Variants in ZNF132 observed in about 807,000 individuals in gnomAD.
ZNF132 encodes zinc finger protein 132, also known as zinc finger protein 132 (clone pHZ-12).
A neutral mutation model predicts 9.3 loss-of-function variants in ZNF132; 6 were observed. The observed-to-expected ratio is 0.65, with a 90% CI of 0.35 to 1.28. The LOEUF is 1.28. Among genes scored for constraint, ZNF132 ranks in the 50% most tolerant of loss-of-function variants. The probability of loss-of-function intolerance (pLI) is 0.03; values close to 1 mark genes in which losing one functional copy is unlikely to be tolerated. For missense variants in ZNF132, 877 were observed against 843.2 expected, an observed-to-expected ratio of 1.04 and a Z score of -0.50; for synonymous variants, 296 against 292.0, an observed-to-expected ratio of 1.01 and a Z score of -0.14.
rs1187739660 is a variant in ZNF132, at chr19:58,435,402, A to G, written c.233-191T>C. 15 of 630,946 alleles carry G rather than the reference A, an allele frequency of 2.4e-5. 1 individual carries two copies. The highest frequency in any genetic ancestry group is 1.1e-5 in the Non-Finnish European group (4 of 372,518). 39.1% of individuals were successfully genotyped at this position (630,946 alleles called of 1,614,324 possible). On this transcript the variant is annotated intron_variant, in intron 2 of 2. Transcript: ENST00000254166. ...GGATAGGGACCAGCCAAGCAACAGA[A>G]TAAGGGAGACCTCACCAGGGGTAAG... is the stretch of plus-strand genomic sequence containing the variant.
rs199920539 is a variant in ZNF132 at position 58,434,410 on chromosome 19, C to G, written c.1034G>C (p.Arg345Thr). The G allele has an allele frequency of 1.9e-5, 30 of 1,614,114 alleles. No homozygotes were observed. Among genetic ancestry groups the G allele is most frequent in the Non-Finnish European group, 2.5e-5 (30 of 1,180,038 alleles). The change falls in exon 3 of 3, where the codon AGA (arginine) becomes ACA (threonine). Residue 345 changes from arginine to threonine, a missense_variant. By Grantham distance (71) the Arg-to-Thr change is moderately conservative. Transcript: ENST00000254166. ...CCCACATTCATCACACTCATAAGGT[C>G]TTTCTCCTGAGTGAATTCTCTGATG... The part of the protein sequence containing the change: ...VHHQRIHSGE[R>T]PYECDECGKA...
At chr19:58,437,305 C>G (rs1413369231) in intron 1 of ZNF132, 90 bp from the exon 2 acceptor site, 109 of 1,405,554 alleles carry the variant, frequency 7.8e-5, no homozygotes, top group Non-Finnish European at 9.0e-5. Context: ...ACTAATATCT[C>G]TTTTTCTTAT....
chr19:58,435,311 C>T (rs2052767348), intron 2 of ZNF132, 100 bp from the exon 3 acceptor site: 3 of 1,375,734 alleles, frequency 2.2e-6, no homozygotes, highest in Non-Finnish European at 2.9e-6. Flanking sequence ...AAGAAGAGGT[C>T]CCAGGGATTG....
Position 58,438,472 on chromosome 19 carries a change from AT to A in ZNF132, c.64-1258del, listed in dbSNP as rs35691687. Among the ~76,000 whole-genome samples the A allele has an allele frequency of 5.0e-3, 645 of 129,798 alleles. 3 individuals carry two copies. Among genetic ancestry groups the A allele is most frequent in the Middle Eastern group, 7.6e-3 (2 of 264 alleles). 85.2% of individuals were successfully genotyped at this position (129,798 alleles called of 152,430 possible). A position where few individuals can be genotyped will look rare whatever the true frequency, so the allele number is the denominator to read the frequency against. On this transcript the variant is annotated intron_variant, in intron 1 of 2. Coordinates refer to ENST00000254166, the MANE Select transcript of ZNF132 (RefSeq NM_003433.4). ...TCCACATCTGAAAGATCTAAGGTCA[AT>A]TTTTTTTTTTTTTTTTTTGAGACAG...
rs766428467 is a variant in ZNF132 at position 58,433,631 on chromosome 19, C to T, written c.1813G>A (p.Gly605Arg). 1 of 1,614,108 alleles carries T rather than the reference C, an allele frequency of 6.2e-7. No homozygotes were observed. Among genetic ancestry groups the T allele is most frequent in the East Asian group, 2.2e-5 (1 of 44,880 alleles). Residue 605 changes from glycine (G) to arginine (R), a missense_variant, in exon 3 of 3, where the codon GGG (glycine) becomes AGG (arginine). Transcript: ENST00000254166. ...CTGGATTTTCGGCTAAAGAATTTCC[C>T]ACATTCACTGCATTTATAAGGCTTT... is the stretch of plus-strand genomic sequence containing the variant. ...GEKPYKCSEC[G>R]KFFSRKSSLI... is the part of the protein sequence containing the mutation.
At position 58,437,120 on chromosome 19, in the gene ZNF132, C is replaced by G; in HGVS notation, c.159G>C (p.Glu53Asp). 1 of 1,614,174 alleles carries G rather than the reference C, an allele frequency of 6.2e-7. No homozygotes were observed. The highest frequency in any genetic ancestry group is 8.5e-7 in the Non-Finnish European group (1 of 1,180,018). ...GGTGCCTCTGGGCTGCATCAAGGAG[C>G]TCCCACTCCTCTTGGGAGAAGTATA... ...VAVYFSQEEW[E>D]LLDAAQRHLY... The change falls in exon 2 of 3, where the codon GAG becomes GAC. Residue 53 changes from glutamate to aspartate, a missense_variant. Coordinates refer to ENST00000254166, the MANE Select transcript of ZNF132 (RefSeq NM_003433.4).
At position 58,437,344 on chromosome 19, in the gene ZNF132, C is replaced by A. The variant is rs1008373106; in HGVS notation, c.64-129G>T. 39 of 1,081,138 alleles carry A rather than the reference C, an allele frequency of 3.6e-5. No homozygotes were observed. In the African/African-American group the frequency reaches 5.5e-4, roughly 15 times the overall value. The allele number at this position is 1,081,138 out of a possible 1,614,324, so 67.0% of individuals were successfully genotyped here. A position where few individuals can be genotyped will look rare whatever the true frequency, so the allele number is the denominator to read the frequency against. ...CCTCTCAGTCCACCCACTACTCACCCATCCACAGCTTATCTTCTTCCTCAG... is the reference window on the plus strand; with the variant it reads ...CCTCTCAGTCCACCCACTACTCACCAATCCACAGCTTATCTTCTTCCTCAG... On this transcript the variant is annotated intron_variant, in intron 1 of 2. Transcript: ENST00000254166.
chr19:58,435,354 A>G (rs145400347), intron 2 of ZNF132, 143 bp from the exon 3 acceptor site: 13 of 903,448 alleles, frequency 1.4e-5, no homozygotes, highest in Non-Finnish European at 2.1e-5. Flanking sequence ...ATCAGGGTGA[A>G]GAAGGGCCCA....
chr19:58,436,321 A>ACCTTT (rs2052772438), intron 2 of ZNF132: 1 of 154,414 alleles, frequency 6.5e-6, no homozygotes, highest in Non-Finnish European at 1.5e-5. Context: ...TAGACTGTGT[A>ACCTTT]CTTTAAAAGG....
chr19:58,439,717 C>T (rs375967749), intron 1 of ZNF132, 42 bp downstream of exon 1: 28 of 1,491,358 alleles, frequency 1.9e-5, no homozygotes, highest in African/African-American at 1.2e-4. Flanking sequence ...TCCTGAGGGC[C>T]GGAATCCCAG....
Position 58,434,246 on chromosome 19 carries a change from C to T in ZNF132, c.1198G>A (p.Val400Ile), listed in dbSNP as rs754183704. The T allele has an allele frequency of 6.2e-7, 1 of 1,614,062 alleles. No homozygotes were observed. Among genetic ancestry groups the T allele is most frequent in the Middle Eastern group, 1.6e-4 (1 of 6,062 alleles). ...CATTGACTGCACTCATAAGGTCTTACCTGTGTGTGAACTTTCTGATGCCGA... is the reference window on the plus strand; with the variant it reads ...CATTGACTGCACTCATAAGGTCTTATCTGTGTGTGAACTTTCTGATGCCGA... ...FLRHQKVHTQ[V>I]RPYECSQCGK... Residue 400 changes from valine (V) to isoleucine (I), a missense_variant, in exon 3 of 3, where the codon GTA becomes ATA. Val to Ile is a conservative substitution (Grantham distance 29, BLOSUM62 3). Transcript: ENST00000254166.
intron 2 of ZNF132, 30 bp downstream of exon 2, chr19:58,437,017 A>C: frequency 6.2e-7 from 1 of 1,614,056 alleles, no homozygotes. Context: ...GGCATAAGGT[A>C]GTCATCACCA....
In ZNF132 at chr19:58,434,527, A is replaced by T; in HGVS notation, c.917T>A (p.Leu306Gln). 6.2e-7 allele frequency: 1 copy of T among 1,614,166 alleles called. No homozygotes were observed. Among genetic ancestry groups the T allele is most frequent in the African/African-American group, 1.3e-5 (1 of 75,050 alleles). The change falls in exon 3 of 3, where the codon CTG becomes CAG. Residue 306 changes from leucine to glutamine, a missense_variant. Leu to Gln is a moderately radical substitution (Grantham distance 113). Coordinates refer to ENST00000254166, the MANE Select transcript of ZNF132 (RefSeq NM_003433.4). ...CGKAFSHSSK[L>Q]RKHQKFHTEV... ...AGTGTGAAATTTCTGGTGCTTCCTCAGCTTAGATGAGTGACTAAAGGCCTT... is the reference window on the plus strand; with the variant it reads ...AGTGTGAAATTTCTGGTGCTTCCTCTGCTTAGATGAGTGACTAAAGGCCTT...
chr19:58,440,008 T>C lies in ZNF132; in HGVS notation c.-187A>G. ...CGCTGGCTCCACTTTCGGGAACACCTTGGCTCATAAAAGCAGAGTAATTAG... is the reference window on the plus strand; with the variant it reads ...CGCTGGCTCCACTTTCGGGAACACCCTGGCTCATAAAAGCAGAGTAATTAG... On this transcript the variant is annotated 5_prime_UTR_variant, in exon 1 of 3. Transcript: ENST00000254166. 1.6e-6 allele frequency: 1 copy of C among 616,040 alleles called. No homozygotes were observed. The highest frequency in any genetic ancestry group is 2.8e-6 in the Non-Finnish European group (1 of 359,592). The allele number at this position is 616,040 out of a possible 1,614,324, so 38.2% of individuals were successfully genotyped here. A position where few individuals can be genotyped will look rare whatever the true frequency, so the allele number is the denominator to read the frequency against.
intron 1 of ZNF132, 70 bp downstream of exon 1, chr19:58,439,689 T>A: frequency 6.9e-7 from 1 of 1,449,658 alleles, no homozygotes; most frequent in Non-Finnish European, 9.2e-7. Context: ...CAACATCCCC[T>A]CTATCTGGGC....
In ZNF132 at chr19:58,433,915, G is replaced by T. The variant is rs749409603; in HGVS notation, c.1529C>A (p.Thr510Asn). The change falls in exon 3 of 3, where the codon ACT (threonine) becomes AAT (asparagine). Residue 510 changes from threonine to asparagine, a missense_variant. By Grantham distance (65) the Thr-to-Asn change is moderately conservative. Coordinates refer to ENST00000254166, the MANE Select transcript of ZNF132 (RefSeq NM_003433.4). ...GCTGCACTCATAAGGCCTTTGCCCA[G>T]TATGTACTTTCTGGTGCTGGATGAG... is the stretch of plus-strand genomic sequence containing the variant. ...STLIQHQKVH[T>N]GQRPYECSEC... 1.2e-6 allele frequency: 2 copies of T among 1,614,170 alleles called. No homozygotes were observed. The highest frequency in any genetic ancestry group is 2.2e-5 in the South Asian group (2 of 91,082).
At position 58,433,149 on chromosome 19, in the gene ZNF132, A is replaced by G. The variant is rs911084700; in HGVS notation, c.*174T>C. On this transcript the variant is annotated 3_prime_UTR_variant, in exon 3 of 3. Coordinates refer to ENST00000254166, the MANE Select transcript of ZNF132 (RefSeq NM_003433.4). ...GACTATGGCTTCTGCCTTATGCTGC[A>G]TGGGTGAGATGGCCCTGCAAAGGTT... 5 of 683,328 alleles carry G rather than the reference A, an allele frequency of 7.3e-6. No individual in the cohort carries two copies. The highest frequency in any genetic ancestry group is 2.0e-5 in the South Asian group (1 of 50,832). The allele number at this position is 683,328 out of a possible 1,614,324, so 42.3% of individuals were successfully genotyped here. A position where few individuals can be genotyped will look rare whatever the true frequency, so the allele number is the denominator to read the frequency against.
chr19:58,438,097 CAAG>C (rs2052782772), intron 1 of ZNF132, among the ~76,000 whole-genome samples: 1 of 152,184 alleles, frequency 6.6e-6, no homozygotes, highest in African/African-American at 2.4e-5. Flanking sequence ...GCCCTGACCA[CAAG>C]AAGGATGGCC....
In ZNF132 at chr19:58,434,139, T is replaced by C; in HGVS notation, c.1305A>G (p.Glu435=). 1.2e-6 allele frequency: 2 copies of C among 1,613,448 alleles called. No homozygotes were observed. Among genetic ancestry groups the C allele is most frequent in the Non-Finnish European group, 1.7e-6 (2 of 1,179,834 alleles). The change falls in exon 3 of 3, where the codon GAA becomes GAG. Residue 435 remains glutamate, a synonymous_variant. Transcript: ENST00000254166. The part of the protein sequence containing the change: ...HTGERPYECS[E]CGRAFNNNSN... ...AGTTATTGTTAAAAGCTCTTCCACA[T>C]TCACTGCATTCATACGGTCTTTCTC...
Sources: gnomAD v4.1 joint callset for allele counts (sites outside exome capture counted in the v4.1 genomes callset) on GRCh38, gnomAD v4.1.1 for gene constraint, MANE v1.5 for transcripts, NCBI Gene and HGNC (gene_info 2026-07-23, HGNC 2026-07-21) for gene names.